The following SMURF1 variants were observed in gnomAD, a reference collection of about 807,000 sequenced individuals.
SMURF1 encodes E3 ubiquitin-protein ligase SMURF1.
SMURF1 carries 44 observed loss-of-function variants against 98.0 expected under a neutral mutation model. That is an observed-to-expected ratio of 0.45 (90% CI 0.35 to 0.58). The LOEUF is 0.58. Ranked by LOEUF, SMURF1 falls within the 20% of genes least tolerant of loss-of-function variation. The pLI, the probability that SMURF1 is intolerant of heterozygous loss-of-function variation, is 0.00. For missense variants in SMURF1, 687 were observed against 938.4 expected, an observed-to-expected ratio of 0.73 and a Z score of 3.50; for synonymous variants, 396 against 374.9, an observed-to-expected ratio of 1.06 and a Z score of -0.65.
chr7:99,044,434 T>TA (rs1310196309), intron 11 of SMURF1, among the ~76,000 whole-genome samples: 1 of 152,250 alleles, frequency 6.6e-6, no homozygotes, highest in African/African-American at 2.4e-5. Context: ...GTAAACCGTA[T>TA]AAACTTTCAT....
intron 1 of SMURF1, among the ~76,000 whole-genome samples, chr7:99,083,101 T>A (rs1584158662): frequency 6.6e-6 from 1 of 152,058 alleles, no homozygotes; most frequent in Non-Finnish European, 1.5e-5. Context: ...GGATACATGG[T>A]TTCTTTTGGG....
At chr7:99,078,162 C>T (rs1481337729) in intron 1 of SMURF1, among the ~76,000 whole-genome samples, 4 of 151,628 alleles carry the variant, frequency 2.6e-5, no homozygotes, top group African/African-American at 9.7e-5. Context: ...ATTAGCCAGG[C>T]GTGGTAGTGG....
At chr7:99,104,960 G>C (rs1797163718) in intron 1 of SMURF1, among the ~76,000 whole-genome samples, 1 of 152,176 alleles carries the variant, frequency 6.6e-6, no homozygotes, top group Non-Finnish European at 1.5e-5. Flanking sequence ...GGCGCTCCTA[G>C]CAGCCTTCCA....
intron 1 of SMURF1, among the ~76,000 whole-genome samples, chr7:99,088,230 C>T (rs1235419322): frequency 3.3e-5 from 5 of 151,572 alleles, no homozygotes; most frequent in African/African-American, 1.2e-4. Context: ...TGCACTGCAG[C>T]CTGGGCAACA....
In SMURF1 at chr7:99,038,057, T is replaced by C. The variant is rs528462252; in HGVS notation, c.1688+331A>G. On this transcript the variant is annotated intron_variant, in intron 14 of 17. Transcript: ENST00000361368. ...GTGGAAAAAAACTGAGAGGGTGGCT[T>C]CCTCGGACTGAGCACGAGAGACCCT... is the stretch of plus-strand genomic sequence containing the variant. Among the ~76,000 whole-genome samples, 3 of 152,196 alleles carry C rather than the reference T, an allele frequency of 2.0e-5. No individual in the cohort carries two copies. The South Asian group carries it at 6.2e-4, about 32-fold the overall frequency.
In SMURF1 at chr7:99,060,828, A is replaced by G. The variant is rs538519982; in HGVS notation, c.95-121T>C. On this transcript the variant is annotated intron_variant, in intron 2 of 17. Coordinates refer to ENST00000361368, the MANE Select transcript of SMURF1 (RefSeq NM_181349.3). ...TCAATCAGCAAAATAAGTTATGTCT[A>G]TTGAGCTTTCTAAGAGAGCCTAGTA... is the stretch of plus-strand genomic sequence containing the variant. 2.7e-5 allele frequency: 16 copies of G among 600,038 alleles called. No individual in the cohort carries two copies. In the African/African-American group the frequency reaches 3.0e-4, roughly 11 times the overall value. The allele number at this position is 600,038 out of a possible 1,614,324, so 37.2% of individuals were successfully genotyped here.
intron 1 of SMURF1, among the ~76,000 whole-genome samples, chr7:99,137,739 C>T (rs1798026489): frequency 6.6e-6 from 1 of 152,252 alleles, no homozygotes; most frequent in Non-Finnish European, 1.5e-5. Flanking sequence ...TGGGGCGCGT[C>T]ACCAGACGCG....
chr7:99,095,921 G>A (rs560293496), intron 1 of SMURF1, among the ~76,000 whole-genome samples: 1 of 152,134 alleles, frequency 6.6e-6, no homozygotes, highest in South Asian at 2.1e-4. Flanking sequence ...CTGCTTTTTT[G>A]GCCCTAGGGT....
chr7:99,050,780 C>T (rs1795728142), intron 8 of SMURF1: 3 of 660,798 alleles, frequency 4.5e-6, no homozygotes, highest in Admixed American at 6.0e-5. Context: ...TCAGATGAAA[C>T]AAATCATGAA....
intron 1 of SMURF1, among the ~76,000 whole-genome samples, chr7:99,096,072 G>A (rs528195457): frequency 6.6e-6 from 1 of 152,290 alleles, no homozygotes; most frequent in African/African-American, 2.4e-5. Context: ...TACAAGTTCA[G>A]ACAGCAGCCC....
At chr7:99,068,904 AT>A (rs1796258789) in intron 1 of SMURF1, among the ~76,000 whole-genome samples, 1 of 152,092 alleles carries the variant, frequency 6.6e-6, no homozygotes, top group Non-Finnish European at 1.5e-5. Context: ...CAGGCCAGGC[AT>A]TTTGTCAGTG....
chr7:99,062,421 T>C (rs569844981), intron 1 of SMURF1, among the ~76,000 whole-genome samples: 1 of 152,300 alleles, frequency 6.6e-6, no homozygotes, highest in South Asian at 2.1e-4. Flanking sequence ...AATTTTTTAT[T>C]CTGATAAGTA....
intron 1 of SMURF1, among the ~76,000 whole-genome samples, chr7:99,084,734 C>A (rs760956906): frequency 3.9e-5 from 6 of 152,060 alleles, no homozygotes; most frequent in Non-Finnish European, 7.4e-5. Flanking sequence ...CAAAAGGTAT[C>A]CAGAAATCCT....
At chr7:99,050,746 G>T (rs1446153555) in intron 8 of SMURF1, 7 of 573,074 alleles carry the variant, frequency 1.2e-5, no homozygotes, top group Non-Finnish European at 2.1e-5. Flanking sequence ...CATAGTCTTG[G>T]AAAATCAGAC....
chr7:99,057,591 GT>G (rs200219353), intron 3 of SMURF1, 40 bp from the exon 4 acceptor site: 257 of 1,323,554 alleles, frequency 1.9e-4, no homozygotes, highest in South Asian at 4.3e-4. Flanking sequence ...ATTGTGTTTG[GT>G]TTTTTTTGTT....
intron 9 of SMURF1, chr7:99,049,317 C>T (rs555715247): frequency 5.7e-5 from 26 of 458,104 alleles, no homozygotes; most frequent in Non-Finnish European, 9.8e-5. Flanking sequence ...CCTAATACTG[C>T]CATCTCGGTA....
chr7:99,075,541 T>C (rs1796433184), intron 1 of SMURF1, among the ~76,000 whole-genome samples: 1 of 151,894 alleles, frequency 6.6e-6, no homozygotes, highest in African/African-American at 2.4e-5. Flanking sequence ...CCTTAACCTG[T>C]GGGGTCTTTG....
chr7:99,111,596 T>C (rs1034051519), intron 1 of SMURF1, among the ~76,000 whole-genome samples: 2 of 152,216 alleles, frequency 1.3e-5, no homozygotes, highest in African/African-American at 4.8e-5. Flanking sequence ...CAGAATCAAC[T>C]GTTTCAGAAC....
intron 1 of SMURF1, among the ~76,000 whole-genome samples, chr7:99,078,801 C>T (rs1796519227): frequency 6.6e-6 from 1 of 152,202 alleles, no homozygotes; most frequent in Non-Finnish European, 1.5e-5. Flanking sequence ...TGCAGGAAAA[C>T]AAGTTCAGGG....
Sources: allele counts gnomAD v4.1 joint callset (sites outside exome capture counted in the v4.1 genomes callset), GRCh38; gene constraint gnomAD v4.1.1; transcripts MANE v1.5; gene names NCBI Gene and HGNC (gene_info 2026-07-23, HGNC 2026-07-21).